THSD7B: variants seen among roughly 807,000 people sequenced by gnomAD.
THSD7B encodes the protein thrombospondin type-1 domain-containing protein 7B.
Under a neutral mutation model 213.6 loss-of-function variants are expected in THSD7B, and 138 were observed. The observed-to-expected ratio is 0.65, with a 90% CI of 0.56 to 0.74. The LOEUF is 0.74. Among genes scored for constraint, THSD7B ranks in the 30% least tolerant of loss-of-function variants. The pLI is 0.00. For synonymous variants in THSD7B, 742 were observed against 687.0 expected (o/e 1.08, Z -1.25); for missense variants, 1,931 against 1,991.5 (o/e 0.97, Z 0.58).
In THSD7B at chr2:137,375,477, T is replaced by G. The variant is rs1358506653; in HGVS notation, c.2501-30136T>G. ...TTGCATTAAAATAAATTCATTTCCTTCATGTTTCTCGCATGCAACTTTTCA... is the reference window on the plus strand; with the variant it reads ...TTGCATTAAAATAAATTCATTTCCTGCATGTTTCTCGCATGCAACTTTTCA... On this transcript the variant is annotated intron_variant, in intron 12 of 27. Transcript: ENST00000409968. Among the ~76,000 whole-genome samples, 5 of 152,342 alleles carry G rather than the reference T, an allele frequency of 3.3e-5. No homozygotes were observed. In the East Asian group the frequency reaches 9.6e-4, roughly 29 times the overall value.
At chr2:137,339,119 C>A (rs1446879846) in intron 12 of THSD7B, among the ~76,000 whole-genome samples, 1 of 151,380 alleles carries the variant, frequency 6.6e-6, no homozygotes, top group Non-Finnish European at 1.5e-5. Context: ...GAATAAATAT[C>A]TTTTGAAGAT....
At chr2:137,379,679 C>A (rs986281038) in intron 12 of THSD7B, among the ~76,000 whole-genome samples, 2 of 152,180 alleles carry the variant, frequency 1.3e-5, no homozygotes, top group Admixed American at 1.3e-4. Context: ...GCTAGAACAT[C>A]CTCTGGGAGG....
intron 15 of THSD7B, among the ~76,000 whole-genome samples, chr2:137,469,054 T>C (rs1317138878): frequency 6.6e-6 from 1 of 152,174 alleles, no homozygotes; most frequent in Non-Finnish European, 1.5e-5. Flanking sequence ...TTCAATAAAG[T>C]CCAGGGAAAA....
chr2:137,621,073 C>T (rs1157390475), intron 20 of THSD7B, among the ~76,000 whole-genome samples: 1 of 152,158 alleles, frequency 6.6e-6, no homozygotes, highest in Admixed American at 6.5e-5. Context: ...CATAAACCCC[C>T]AAAGCACACC....
chr2:137,297,500 A>T lies in THSD7B; in HGVS notation c.2500+21474A>T, dbSNP rs2104841652. Among the ~76,000 whole-genome samples the T allele has an allele frequency of 1.3e-5, 2 of 152,110 alleles. 1 individual carries two copies. Among genetic ancestry groups the T allele is most frequent in the South Asian group, 4.2e-4 (2 of 4,726 alleles). ...CAGATATCTAAAAAGGAGTAAATTG[A>T]TCACCAAAAGGTAATTCCATAAATA... On this transcript the variant is annotated intron_variant, in intron 12 of 27. Transcript: ENST00000409968.
At chr2:137,175,356 G>A (rs956232063) in intron 7 of THSD7B, among the ~76,000 whole-genome samples, 5 of 152,168 alleles carry the variant, frequency 3.3e-5, no homozygotes, top group African/African-American at 9.7e-5. Flanking sequence ...GAAGGCAAAT[G>A]CCCACACTAC....
At chr2:136,815,566 A>G (rs1290831207) in intron 1 of THSD7B, among the ~76,000 whole-genome samples, 1 of 152,220 alleles carries the variant, frequency 6.6e-6, no homozygotes, top group African/African-American at 2.4e-5. Context: ...TTTAACCTAT[A>G]TTAGAAAAAA....
chr2:137,444,979 A>G (rs1185295676), intron 14 of THSD7B, among the ~76,000 whole-genome samples: 4 of 151,946 alleles, frequency 2.6e-5, no homozygotes, highest in African/African-American at 9.7e-5. Context: ...AAAAGAAGAC[A>G]TACAAATGGC....
At chr2:137,109,552 G>A (rs1352114582) in intron 4 of THSD7B, among the ~76,000 whole-genome samples, 1 of 152,206 alleles carries the variant, frequency 6.6e-6, no homozygotes, top group Non-Finnish European at 1.5e-5. Flanking sequence ...AGTCCCATCT[G>A]GGGGTGGTGA....
At chr2:137,144,893 G>A (rs1679663912) in intron 5 of THSD7B, among the ~76,000 whole-genome samples, 1 of 151,976 alleles carries the variant, frequency 6.6e-6, no homozygotes. Flanking sequence ...TCAGGACAGG[G>A]AATTTTAGGT....
intron 2 of THSD7B, among the ~76,000 whole-genome samples, chr2:136,903,958 GTGTGTGTGTGTGTGTTTGTT>G (rs1221502144): frequency 2.2e-4 from 15 of 67,408 alleles, no homozygotes; most frequent in South Asian, 7.5e-4. Flanking sequence ...GTGTGTGTGT[GTGTGTGTGTGTGTGTTTGTT>G]TGTTTCTGAG....
intron 2 of THSD7B, among the ~76,000 whole-genome samples, chr2:137,036,384 A>G (rs1162111289): frequency 6.6e-6 from 1 of 152,164 alleles, no homozygotes; most frequent in Non-Finnish European, 1.5e-5. Context: ...AAATTTTTTA[A>G]TGGAAATATT....
chr2:137,539,775 T>G (rs983772170), intron 15 of THSD7B, among the ~76,000 whole-genome samples: 1 of 151,778 alleles, frequency 6.6e-6, no homozygotes, highest in African/African-American at 2.4e-5. Context: ...CACATGCAAC[T>G]TCGTGGATTG....
chr2:137,056,868 G>A lies in THSD7B; in HGVS notation c.588G>A (p.Gly196=). 2.5e-6 allele frequency: 4 copies of A among 1,613,946 alleles called. No individual in the cohort carries two copies. The highest frequency in any genetic ancestry group is 3.4e-6 in the Non-Finnish European group (4 of 1,179,894). ...GGTCCAACTGTAGCAAGGGATGTGG[G>A]AAGAAATTGCAGCATAGAACTCGCG... ...LPWSNCSKGC[G]KKLQHRTRAV... is the part of the protein sequence containing the mutation. The change falls in exon 3 of 28, where the codon GGG becomes GGA. Residue 196 remains glycine, a synonymous_variant. Coordinates refer to ENST00000409968, the MANE Select transcript of THSD7B (RefSeq NM_001316349.2).
intron 12 of THSD7B, among the ~76,000 whole-genome samples, chr2:137,366,531 G>C (rs1685412206): frequency 6.6e-6 from 1 of 151,698 alleles, no homozygotes; most frequent in African/African-American, 2.4e-5. Flanking sequence ...TATTACAGTT[G>C]ATATCACAAA....
chr2:137,175,299 C>G (rs58374572), intron 7 of THSD7B, among the ~76,000 whole-genome samples: 37,940 of 152,040 alleles, frequency 0.25, 5,983 homozygotes, highest in East Asian at 0.71. Context: ...CATGTTTCAG[C>G]AAACATCTTC....
intron 12 of THSD7B, among the ~76,000 whole-genome samples, chr2:137,335,373 G>A (rs1684615403): frequency 6.6e-6 from 1 of 152,194 alleles, no homozygotes; most frequent in Non-Finnish European, 1.5e-5. Context: ...TCTATAAACT[G>A]ATTTTCCTCC....
intron 15 of THSD7B, among the ~76,000 whole-genome samples, chr2:137,454,392 ATCTGTCTGTCTG>A (rs1553451269): frequency 8.7e-6 from 1 of 115,044 alleles, no homozygotes; most frequent in Admixed American, 9.6e-5. Context: ...GAGCCATTCT[ATCTGTCTGTCTG>A]TCTGTCTGTC....
chr2:136,885,248 A>AC (rs1306139916), intron 2 of THSD7B, among the ~76,000 whole-genome samples: 1 of 125,526 alleles, frequency 8.0e-6, no homozygotes, highest in Non-Finnish European at 1.7e-5. Context: ...ATTGTTCCCC[A>AC]CCCCCACACC....
Sources: gnomAD v4.1 joint callset for allele counts (sites outside exome capture counted in the v4.1 genomes callset) on GRCh38, gnomAD v4.1.1 for gene constraint, MANE v1.5 for transcripts, NCBI Gene and HGNC (gene_info 2026-07-23, HGNC 2026-07-21) for gene names.